The following ALDH1A2 variants were observed in gnomAD, a reference collection of about 807,000 sequenced individuals.
The protein encoded by ALDH1A2 is retinal dehydrogenase 2.
A neutral mutation model predicts 60.3 loss-of-function variants in ALDH1A2; 27 were observed. The ratio of observed to expected loss-of-function variants is 0.45; its 90% CI spans 0.33 to 0.62. ALDH1A2 has a LOEUF of 0.62. Ranked by LOEUF, ALDH1A2 falls within the 20% of genes least tolerant of loss-of-function variation. The pLI, the probability that ALDH1A2 is intolerant of heterozygous loss-of-function variation, is 0.02. For missense variants in ALDH1A2, 581 were observed against 643.8 expected (o/e 0.90, Z 1.06); for synonymous variants, 289 against 232.4 (o/e 1.24, Z -2.21).
At chr15:58,001,355 A>G (rs1381339552) in intron 4 of ALDH1A2, among the ~76,000 whole-genome samples, 1 of 151,962 alleles carries the variant, frequency 6.6e-6, no homozygotes, top group East Asian at 1.9e-4. Context: ...TATAATGTCA[A>G]GAACAATCAC....
intron 11 of ALDH1A2, 120 bp from the exon 12 acceptor site, chr15:57,960,964 G>GTAATT: frequency 7.5e-7 from 1 of 1,336,908 alleles, no homozygotes; most frequent in Non-Finnish European, 1.0e-6. Flanking sequence ...GGAAAAAATT[G>GTAATT]TAATTTAAAA....
intron 1 of ALDH1A2, among the ~76,000 whole-genome samples, chr15:58,039,596 G>A (rs1595683711): frequency 6.6e-6 from 1 of 151,916 alleles, no homozygotes; most frequent in East Asian, 1.9e-4. Context: ...TAAATAAAAA[G>A]TAACTGATTA....
intron 7 of ALDH1A2, 56 bp downstream of exon 7, chr15:57,992,647 TAA>T: frequency 6.7e-7 from 1 of 1,501,798 alleles, no homozygotes; most frequent in Non-Finnish European, 9.3e-7. Flanking sequence ...ATTGTTTTTG[TAA>T]CCCCTCAACT....
intron 1 of ALDH1A2, among the ~76,000 whole-genome samples, chr15:58,034,955 G>A (rs1281828705): frequency 2.6e-5 from 4 of 151,562 alleles, no homozygotes; most frequent in Non-Finnish European, 4.4e-5. Context: ...CTCTTTATCT[G>A]GTTTTGATAT....
At chr15:58,043,408 A>G (rs559714978) in intron 1 of ALDH1A2, among the ~76,000 whole-genome samples, 21 of 152,124 alleles carry the variant, frequency 1.4e-4, no homozygotes, top group African/African-American at 4.8e-4. Context: ...TGTGGCCACC[A>G]GTGGGCGCTC....
At chr15:58,002,147 G>A (rs532061964) in intron 4 of ALDH1A2, among the ~76,000 whole-genome samples, 280 of 151,970 alleles carry the variant, frequency 1.8e-3, no homozygotes, top group Non-Finnish European at 3.5e-3. Flanking sequence ...ACAACTTATG[G>A]AAAATATAAA....
intron 1 of ALDH1A2, among the ~76,000 whole-genome samples, chr15:58,052,832 G>A (rs1566961728): frequency 6.6e-6 from 1 of 152,158 alleles, no homozygotes; most frequent in African/African-American, 2.4e-5. Context: ...AGAGGAAGGG[G>A]TAAATGCGTG....
rs1253898505 is a variant in ALDH1A2 at position 57,954,630 on chromosome 15, A to G, written c.*567T>C. On this transcript the variant is annotated 3_prime_UTR_variant, in exon 13 of 13. Transcript: ENST00000249750. ...TAGTGTACCAGCTCCTGGCATTTTCATTCTGGTCTGACTCTAGCTAAAACC... is the reference window on the plus strand; with the variant it reads ...TAGTGTACCAGCTCCTGGCATTTTCGTTCTGGTCTGACTCTAGCTAAAACC... The G allele has an allele frequency of 5.9e-6, 1 of 170,862 alleles. No homozygotes were observed. Among genetic ancestry groups the G allele is most frequent in the Non-Finnish European group, 1.3e-5 (1 of 76,758 alleles). The allele number at this position is 170,862 out of a possible 1,614,324, so 10.6% of individuals were successfully genotyped here. A position where few individuals can be genotyped will look rare whatever the true frequency, so the allele number is the denominator to read the frequency against.
chr15:57,981,311 CACACACACACACACACAG>C (rs1383004137), intron 7 of ALDH1A2, among the ~76,000 whole-genome samples: 3 of 151,230 alleles, frequency 2.0e-5, no homozygotes, highest in African/African-American at 7.3e-5. Flanking sequence ...CACACACACA[CACACACACACACACACAG>C]ACACACACAA....
chr15:58,060,067 C>T lies in ALDH1A2; in HGVS notation c.117+5467G>A, dbSNP rs141710657. On this transcript the variant is annotated intron_variant, in intron 1 of 12. Coordinates refer to ENST00000249750, the MANE Select transcript of ALDH1A2 (RefSeq NM_003888.4). ...CCTTCCAAGAAGCTGGGATTACAGG[C>T]GTGTACCACCACACAGCTAATTTCA... Among the ~76,000 whole-genome samples the T allele has an allele frequency of 2.2e-3, 331 of 152,090 alleles. 8 individuals are homozygous for T. In the East Asian group the frequency reaches 0.034, roughly 16 times the overall value.
At chr15:58,065,453 C>T (rs898269111) in intron 1 of ALDH1A2, 81 bp downstream of exon 1, 1 of 1,254,608 alleles carries the variant, frequency 8.0e-7, no homozygotes, top group Non-Finnish European at 1.2e-6. Flanking sequence ...TCCCGCAGCC[C>T]TCACCCGCTG....
chr15:57,965,752 G>T lies in ALDH1A2; in HGVS notation c.874C>A (p.Pro292Thr), dbSNP rs1893873887. The T allele has an allele frequency of 1.2e-6, 2 of 1,613,852 alleles. No individual in the cohort carries two copies. Among genetic ancestry groups the T allele is most frequent in the Admixed American group, 3.3e-5 (2 of 60,002 alleles). ...RVTLELGGKSPNIIFADADLD... is the reference protein window; with the variant it reads ...RVTLELGGKSTNIIFADADLD... Reference sequence around the variant, plus strand: ...TCAGCATCAGCAAAAATAATATTAGGACTTTTGCCTCCAAGTTCCAGAGTT... The same window carrying T: ...TCAGCATCAGCAAAAATAATATTAGTACTTTTGCCTCCAAGTTCCAGAGTT... The change falls in exon 8 of 13, where the codon CCT becomes ACT. Residue 292 changes from proline to threonine, a missense_variant. This residue lies in a region of ALDH1A2 where 375 missense variants were observed against 469.7 expected (regional missense o/e 0.80). Transcript: ENST00000249750.
chr15:57,985,317 C>G (rs1894660780), intron 7 of ALDH1A2, among the ~76,000 whole-genome samples: 1 of 152,262 alleles, frequency 6.6e-6, no homozygotes, highest in South Asian at 2.1e-4. Context: ...CCTACAGACC[C>G]TCAAATCCCT....
intron 1 of ALDH1A2, among the ~76,000 whole-genome samples, chr15:58,055,810 T>C (rs1308104377): frequency 6.6e-6 from 1 of 152,130 alleles, no homozygotes; most frequent in Non-Finnish European, 1.5e-5. Context: ...AATGTTATTT[T>C]CAGACCTGGT....
At chr15:57,988,050 G>A (rs908041476) in intron 7 of ALDH1A2, among the ~76,000 whole-genome samples, 1 of 152,130 alleles carries the variant, frequency 6.6e-6, no homozygotes, top group African/African-American at 2.4e-5. Context: ...AACAAGGAAG[G>A]AGGCCAGGAA....
chr15:58,062,588 C>A (rs1346152791), intron 1 of ALDH1A2, among the ~76,000 whole-genome samples: 2 of 152,146 alleles, frequency 1.3e-5, no homozygotes, highest in African/African-American at 4.8e-5. Context: ...AATCAGAATG[C>A]AGTCTTCTTA....
At chr15:57,971,518 T>G (rs1169452762) in intron 7 of ALDH1A2, among the ~76,000 whole-genome samples, 2 of 152,170 alleles carry the variant, frequency 1.3e-5, no homozygotes, top group Admixed American at 1.3e-4. Flanking sequence ...CTTGAAATTC[T>G]GAGTTCAAGC....
intron 1 of ALDH1A2, among the ~76,000 whole-genome samples, chr15:58,033,611 G>T (rs1015715847): frequency 2.7e-5 from 4 of 150,346 alleles, no homozygotes; most frequent in Non-Finnish European, 3.0e-5. Context: ...CCAAAAAAAT[G>T]ATTTCTCAAT....
At chr15:58,024,827 A>T (rs768471331) in intron 1 of ALDH1A2, among the ~76,000 whole-genome samples, 5 of 152,244 alleles carry the variant, frequency 3.3e-5, no homozygotes, top group Admixed American at 6.5e-5. Flanking sequence ...TTAAAAAATC[A>T]TATCAAGTAT....
Sources: allele counts gnomAD v4.1 joint callset (sites outside exome capture counted in the v4.1 genomes callset), GRCh38; gene constraint gnomAD v4.1.1; regional missense constraint gnomAD v4.1.1; transcripts MANE v1.5; gene names NCBI Gene and HGNC (gene_info 2026-07-23, HGNC 2026-07-21).